The following ERBB4 variants were observed in gnomAD, a reference collection of about 807,000 sequenced individuals.
ERBB4 encodes the protein receptor tyrosine-protein kinase erbB-4.
Under a neutral mutation model 158.0 loss-of-function variants are expected in ERBB4, and 42 were observed. The observed-to-expected ratio is 0.27, with a 90% CI of 0.21 to 0.34. The LOEUF (loss-of-function observed/expected upper bound fraction) is 0.34. Ranked by LOEUF, ERBB4 falls within the 10% of genes least tolerant of loss-of-function variation. The pLI is 1.00. For synonymous variants in ERBB4, 583 were observed against 558.7 expected, an observed-to-expected ratio of 1.04 and a Z score of -0.61; for missense variants, 1,333 against 1,624.1, an observed-to-expected ratio of 0.82 and a Z score of 3.08.
At chr2:212,494,012 C>A (rs908306231) in intron 1 of ERBB4, among the ~76,000 whole-genome samples, 1 of 151,644 alleles carries the variant, frequency 6.6e-6, no homozygotes, top group African/African-American at 2.4e-5. Flanking sequence ...AATTTAAATT[C>A]TTATTAAATT....
Position 211,387,958 on chromosome 2 carries a change from G to T in ERBB4, c.3170C>A (p.Thr1057Asn), listed in dbSNP as rs766441342. The T allele has an allele frequency of 1.2e-6, 2 of 1,609,066 alleles. No homozygotes were observed. The highest frequency in any genetic ancestry group is 1.1e-5 in the South Asian group (1 of 90,958). ...TGAAATACTTACTCCTGACATGGGG[G>T]TGTAGGCAGGAGGAGGGCTGTGTCC... is the stretch of plus-strand genomic sequence containing the variant. ...EIGHSPPPAYTPMSGNQFVYR... is the reference protein window; with the variant it reads ...EIGHSPPPAYNPMSGNQFVYR... Residue 1057 changes from threonine (T) to asparagine (N), a missense_variant, in exon 26 of 28, where the codon ACC (threonine) becomes AAC (asparagine). Around this residue, in one of 5 missense-constraint regions of ERBB4, gnomAD observed 252 missense variants for 241.3 expected, o/e 1.04. Coordinates refer to ENST00000342788, the MANE Select transcript of ERBB4 (RefSeq NM_005235.3).
intron 1 of ERBB4, among the ~76,000 whole-genome samples, chr2:212,480,308 A>C (rs1329150236): frequency 1.3e-5 from 2 of 152,192 alleles, no homozygotes; most frequent in Non-Finnish European, 2.9e-5. Context: ...ACAGTATGTA[A>C]AAAGCTTGGC....
intron 1 of ERBB4, among the ~76,000 whole-genome samples, chr2:212,444,216 G>A (rs943065375): frequency 6.6e-6 from 1 of 152,162 alleles, no homozygotes; most frequent in Non-Finnish European, 1.5e-5. Context: ...TGCACAATAT[G>A]CAAGCACTAC....
At chr2:211,873,557 T>C (rs1203957879) in intron 3 of ERBB4, among the ~76,000 whole-genome samples, 3 of 152,280 alleles carry the variant, frequency 2.0e-5, no homozygotes, top group Admixed American at 1.3e-4. Context: ...CATATTTTTT[T>C]CCCCAAAAGT....
chr2:211,764,161 A>C (rs2075489227), intron 4 of ERBB4, among the ~76,000 whole-genome samples: 1 of 152,162 alleles, frequency 6.6e-6, no homozygotes, highest in East Asian at 1.9e-4. Flanking sequence ...TAATGGACAT[A>C]TAATATATTT....
chr2:212,470,451 T>C (rs1689061907), intron 1 of ERBB4, among the ~76,000 whole-genome samples: 1 of 152,110 alleles, frequency 6.6e-6, no homozygotes, highest in Admixed American at 6.6e-5. Flanking sequence ...AGTTTTACAA[T>C]GAGACCTGGG....
At chr2:211,789,708 C>T (rs1243889567) in intron 3 of ERBB4, among the ~76,000 whole-genome samples, 1 of 152,026 alleles carries the variant, frequency 6.6e-6, no homozygotes, top group East Asian at 1.9e-4. Flanking sequence ...GCAACCGACA[C>T]CATCTCCCAC....
chr2:212,404,795 T>G (rs542453630), intron 1 of ERBB4, among the ~76,000 whole-genome samples: 1 of 152,092 alleles, frequency 6.6e-6, no homozygotes, highest in African/African-American at 2.4e-5. Flanking sequence ...CTCCTCTCCC[T>G]CCTCCCACTC....
intron 1 of ERBB4, among the ~76,000 whole-genome samples, chr2:212,512,709 G>A (rs1459669203): frequency 6.6e-6 from 1 of 151,890 alleles, no homozygotes; most frequent in African/African-American, 2.4e-5. Context: ...AGTTTGATAG[G>A]GTATCATGCA....
At chr2:211,729,598 A>G (rs2074369070) in intron 5 of ERBB4, among the ~76,000 whole-genome samples, 1 of 151,910 alleles carries the variant, frequency 6.6e-6, no homozygotes. Flanking sequence ...GTGGAAAGGC[A>G]CCATAGAGTA....
Position 212,142,351 on chromosome 2 carries a change from AATGG to A in ERBB4, c.83-17452_83-17449del, listed in dbSNP as rs200744821. 4.0e-5 allele frequency among the ~76,000 whole-genome samples: 6 copies of A among 151,820 alleles called. No homozygotes were observed. The East Asian group carries it at 7.7e-4, about 20-fold the overall frequency. On this transcript the variant is annotated intron_variant, in intron 1 of 27. Coordinates refer to ENST00000342788, the MANE Select transcript of ERBB4 (RefSeq NM_005235.3). ...GTACTCAATAAATATTTAATGAATGAATGGATGGATGGATGGATGGATGGACGCA... is the reference window on the plus strand; with the variant it reads ...GTACTCAATAAATATTTAATGAATGAATGGATGGATGGATGGATGGACGCA...
chr2:212,178,274 T>C (rs556848011), intron 1 of ERBB4, among the ~76,000 whole-genome samples: 26 of 151,820 alleles, frequency 1.7e-4, no homozygotes, highest in African/African-American at 6.0e-4. Context: ...CTGTAACCCA[T>C]ATTGGAGGAT....
intron 20 of ERBB4, among the ~76,000 whole-genome samples, chr2:211,460,777 T>C (rs2064510684): frequency 6.6e-6 from 1 of 152,198 alleles, no homozygotes; most frequent in Admixed American, 6.5e-5. Context: ...TCAATGTTTA[T>C]TAAATCCTTT....
intron 3 of ERBB4, among the ~76,000 whole-genome samples, chr2:211,822,042 C>T (rs1369455455): frequency 1.3e-5 from 2 of 151,528 alleles, no homozygotes; most frequent in African/African-American, 4.8e-5. Context: ...ATGAAATAAG[C>T]CAGAAACAGA....
intron 1 of ERBB4, among the ~76,000 whole-genome samples, chr2:212,433,544 G>A (rs1379582176): frequency 6.6e-6 from 1 of 151,898 alleles, no homozygotes; most frequent in African/African-American, 2.4e-5. Context: ...AGTTGCAAAT[G>A]GTGTTCCTTT....
At chr2:212,373,862 T>A in intron 1 of ERBB4, among the ~76,000 whole-genome samples, 1 of 133,230 alleles carries the variant, frequency 7.5e-6, no homozygotes, top group Admixed American at 7.8e-5. Context: ...CATGTATATA[T>A]CCATATATAT....
At chr2:212,045,394 G>T (rs1481072090) in intron 2 of ERBB4, among the ~76,000 whole-genome samples, 3 of 152,208 alleles carry the variant, frequency 2.0e-5, no homozygotes, top group Admixed American at 6.5e-5. Context: ...GGAGACAGAG[G>T]TTGCAGTGAG....
At chr2:211,895,263 TTTG>T (rs769351583) in intron 3 of ERBB4, among the ~76,000 whole-genome samples, 2 of 152,080 alleles carry the variant, frequency 1.3e-5, no homozygotes, top group Admixed American at 6.5e-5. Flanking sequence ...CCTTATCTTT[TTTG>T]TTGTTGTTGT....
At chr2:212,280,213 A>G (rs150764285) in intron 1 of ERBB4, among the ~76,000 whole-genome samples, 257 of 151,780 alleles carry the variant, frequency 1.7e-3, no homozygotes, top group African/African-American at 6.0e-3. Context: ...TCTCAAAAAT[A>G]TAGTAGTTGT....
Sources: allele counts gnomAD v4.1 joint callset (sites outside exome capture counted in the v4.1 genomes callset), GRCh38; gene constraint gnomAD v4.1.1; regional missense constraint gnomAD v4.1.1; transcripts MANE v1.5; gene names NCBI Gene and HGNC (gene_info 2026-07-23, HGNC 2026-07-21).